RBFOX2: variants seen among roughly 807,000 people sequenced by gnomAD.
RBFOX2 encodes the protein RNA binding protein fox-1 homolog 2.
A neutral mutation model predicts 49.1 loss-of-function variants in RBFOX2; 10 were observed. The observed-to-expected ratio is 0.20, with a 90% CI of 0.13 to 0.35. The LOEUF (loss-of-function observed/expected upper bound fraction) is 0.35. RBFOX2 is among the 10% of genes least tolerant of loss of function. RBFOX2 has a pLI of 1.00. For synonymous variants in RBFOX2, 183 were observed against 187.4 expected (o/e 0.98, Z 0.19); for missense variants, 323 against 486.9 (o/e 0.66, Z 3.17).
chr22:35,820,036 GGAGACC>G (rs1569257657), intron 1 of RBFOX2, among the ~76,000 whole-genome samples: 3 of 152,176 alleles, frequency 2.0e-5, no homozygotes, highest in Non-Finnish European at 4.4e-5. Flanking sequence ...TGGAGGCCTT[GGAGACC>G]TATGTGATCA....
intron 2 of RBFOX2, among the ~76,000 whole-genome samples, chr22:35,798,622 T>C (rs1296663057): frequency 6.6e-6 from 1 of 152,158 alleles, no homozygotes; most frequent in African/African-American, 2.4e-5. Flanking sequence ...CTTCAAACAA[T>C]ATCTGGTACA....
chr22:35,901,303 C>T (rs1038474517), intron 1 of RBFOX2, among the ~76,000 whole-genome samples: 6 of 152,050 alleles, frequency 3.9e-5, no homozygotes, highest in Admixed American at 2.0e-4. Context: ...AAAAACTTAC[C>T]CTGGATATAA....
chr22:35,949,878 T>C (rs2054719618), intron 1 of RBFOX2, among the ~76,000 whole-genome samples: 1 of 152,214 alleles, frequency 6.6e-6, no homozygotes, highest in South Asian at 2.1e-4. Context: ...TTCACTCTGT[T>C]AATAGCGTCC....
rs544085802 is a variant in RBFOX2, at chr22:35,855,809, A to G, written c.-33-45805T>C. Among the ~76,000 whole-genome samples, 76 of 152,016 alleles carry G rather than the reference A, an allele frequency of 5.0e-4. 1 individual carries two copies. Among genetic ancestry groups the G allele is most frequent in the South Asian group, 3.5e-3 (17 of 4,808 alleles). On this transcript the variant is annotated intron_variant, in intron 1 of 13. Coordinates refer to the RBFOX2 transcript ENST00000359369. ...GGAGGCTCAGGCAGGCGGACTGCCTAAGTCAAAGAGTTCAAGACCAGCCTG... is the reference window on the plus strand; with the variant it reads ...GGAGGCTCAGGCAGGCGGACTGCCTGAGTCAAAGAGTTCAAGACCAGCCTG...
At chr22:35,753,125 T>C (rs1233165129) in intron 9 of RBFOX2, among the ~76,000 whole-genome samples, 1 of 152,208 alleles carries the variant, frequency 6.6e-6, no homozygotes, top group East Asian at 1.9e-4. Context: ...CCCTTGTGTC[T>C]TCTCTTCAAG....
chr22:35,974,710 C>G (rs1368615197), intron 1 of RBFOX2, among the ~76,000 whole-genome samples: 6 of 151,988 alleles, frequency 3.9e-5, no homozygotes, highest in Non-Finnish European at 7.4e-5. Context: ...ACAACAACAA[C>G]AAAAACAGGC....
intron 2 of RBFOX2, among the ~76,000 whole-genome samples, chr22:35,793,578 A>C (rs1162502164): frequency 6.6e-6 from 1 of 152,218 alleles, no homozygotes; most frequent in African/African-American, 2.4e-5. Context: ...ATAATATATA[A>C]GACAATTATA....
intron 1 of RBFOX2, chr22:35,898,254 T>C: frequency 1.3e-6 from 1 of 752,282 alleles, no homozygotes; most frequent in Non-Finnish European, 2.5e-6. Context: ...TCCCACTGAC[T>C]TGAGGAACAT....
chr22:35,989,059 A>T (rs1305878671), intron 1 of RBFOX2, among the ~76,000 whole-genome samples: 1 of 152,232 alleles, frequency 6.6e-6, no homozygotes, highest in Admixed American at 6.5e-5. Context: ...AATCAGTTTT[A>T]GATGTTGTGT....
At chr22:35,980,699 A>G (rs1246022586) in intron 1 of RBFOX2, among the ~76,000 whole-genome samples, 1 of 152,116 alleles carries the variant, frequency 6.6e-6, no homozygotes, top group African/African-American at 2.4e-5. Flanking sequence ...TTGCATACAG[A>G]CCATACACCA....
chr22:35,858,476 T>A (rs576289886), intron 1 of RBFOX2, among the ~76,000 whole-genome samples: 1 of 152,310 alleles, frequency 6.6e-6, no homozygotes. Context: ...TTTTATTGAT[T>A]AGATGAATTC....
chr22:35,830,063 G>A (rs182491591), intron 1 of RBFOX2, among the ~76,000 whole-genome samples: 1 of 152,272 alleles, frequency 6.6e-6, no homozygotes, highest in East Asian at 1.9e-4. Context: ...AGTATTAACT[G>A]ATTTAAGTAA....
intron 1 of RBFOX2, among the ~76,000 whole-genome samples, chr22:35,819,030 T>C (rs1228337648): frequency 6.6e-6 from 1 of 152,200 alleles, no homozygotes; most frequent in African/African-American, 2.4e-5. Context: ...CATGGTTACA[T>C]GGTGGCTTAT....
At chr22:35,919,565 G>A (rs144024489) in intron 1 of RBFOX2, among the ~76,000 whole-genome samples, 68 of 152,000 alleles carry the variant, frequency 4.5e-4, no homozygotes, top group African/African-American at 1.6e-3. Flanking sequence ...TGATAACTAC[G>A]GGGAATGGAG....
intron 1 of RBFOX2, among the ~76,000 whole-genome samples, chr22:35,969,222 A>C (rs1315587939): frequency 2.0e-5 from 3 of 152,138 alleles, no homozygotes; most frequent in Non-Finnish European, 2.9e-5. Context: ...GCTTTTGTAC[A>C]ACTGCATAAG....
rs543611154 is a variant in RBFOX2 at position 35,922,351 on chromosome 22, C to T, written c.-34+16496G>A. Among the ~76,000 whole-genome samples the T allele has an allele frequency of 9.4e-4, 142 of 151,660 alleles. No individual in the cohort carries two copies. The South Asian group carries it at 0.013, about 14-fold the overall frequency. ...ATCCCAGCACTTTGGGAGGCCATCGCGGGCAGATCACGAGGTCAGGAGTTC... is the reference window on the plus strand; with the variant it reads ...ATCCCAGCACTTTGGGAGGCCATCGTGGGCAGATCACGAGGTCAGGAGTTC... On this transcript the variant is annotated intron_variant, in intron 1 of 13. Transcript: ENST00000359369.
At chr22:35,906,671 C>A (rs1012335926) in intron 1 of RBFOX2, among the ~76,000 whole-genome samples, 1 of 151,842 alleles carries the variant, frequency 6.6e-6, no homozygotes, top group Non-Finnish European at 1.5e-5. Flanking sequence ...AAAAATTAGC[C>A]GGGCGTGGTG....
exon 12 of RBFOX2, chr22:35,740,183 G>C (rs974226026): frequency 3.9e-5 from 6 of 152,432 alleles, no homozygotes; most frequent in African/African-American, 1.4e-4. Context: ...CGCTGGCTTA[G>C]GACACCCAGA....
intron 1 of RBFOX2, among the ~76,000 whole-genome samples, chr22:35,863,098 G>A (rs2043281525): frequency 6.6e-6 from 1 of 152,080 alleles, no homozygotes; most frequent in African/African-American, 2.4e-5. Context: ...CTGGGGGGCA[G>A]GGGAGAGCAC....
Sources: allele counts gnomAD v4.1 joint callset (sites outside exome capture counted in the v4.1 genomes callset), GRCh38; gene constraint gnomAD v4.1.1; transcripts MANE v1.5; gene names NCBI Gene and HGNC (gene_info 2026-07-23, HGNC 2026-07-21).